The following PSEN1 variants were observed in gnomAD, a reference collection of about 807,000 sequenced individuals.
PSEN1 encodes presenilin-1.
A neutral mutation model predicts 53.5 loss-of-function variants in PSEN1; 15 were observed. The observed-to-expected ratio is 0.28, with a 90% CI of 0.19 to 0.43. The LOEUF is 0.43. Among genes scored for constraint, PSEN1 ranks in the 20% least tolerant of loss-of-function variants. The pLI is 1.00. For missense variants in PSEN1, 387 were observed against 571.2 expected, an observed-to-expected ratio of 0.68 and a Z score of 3.29; for synonymous variants, 208 against 209.8, an observed-to-expected ratio of 0.99 and a Z score of 0.08.
At chr14:73,190,423 G>A (rs1037711404) in intron 6 of PSEN1, among the ~76,000 whole-genome samples, 2 of 151,394 alleles carry the variant, frequency 1.3e-5, no homozygotes, top group African/African-American at 4.9e-5. Flanking sequence ...AAGGACTTTG[G>A]GGCTGCAGTG....
rs535041629 is a variant in PSEN1, at chr14:73,190,759, G to A, written c.549-1885G>A. 1.7e-3 allele frequency among the ~76,000 whole-genome samples: 259 copies of A among 152,186 alleles called. 2 individuals carry two copies. The highest frequency in any genetic ancestry group is 5.7e-3 in the African/African-American group (238 of 41,510). ...CTTTCCTCTAAAGAGGGGAACCATG[G>A]GGCACAGTGGGGAGAAAACCTACTT... On this transcript the variant is annotated intron_variant, in intron 6 of 11. Transcript: ENST00000324501.
rs531161523 is a variant in PSEN1, at chr14:73,191,250, T to C, written c.549-1394T>C. On this transcript the variant is annotated intron_variant, in intron 6 of 11. Coordinates refer to ENST00000324501, the MANE Select transcript of PSEN1 (RefSeq NM_000021.4). ...ATCCTTTCAGGAATTAATATATCAA[T>C]TTCTCATCTACTCTTCTCTCACACT... is the stretch of plus-strand genomic sequence containing the variant. Among the ~76,000 whole-genome samples, 5 of 152,366 alleles carry C rather than the reference T, an allele frequency of 3.3e-5. No individual in the cohort carries two copies. The East Asian group carries it at 9.6e-4, about 29-fold the overall frequency.
chr14:73,138,883 C>G (rs1221012278), intron 1 of PSEN1, among the ~76,000 whole-genome samples: 1 of 151,176 alleles, frequency 6.6e-6, no homozygotes, highest in East Asian at 2.0e-4. Flanking sequence ...AGGAGAATGG[C>G]GTGAACCCGG....
chr14:73,160,657 T>A (rs548786883), intron 3 of PSEN1, among the ~76,000 whole-genome samples: 2 of 152,176 alleles, frequency 1.3e-5, no homozygotes, highest in East Asian at 3.9e-4. Flanking sequence ...TTTTCTTTTT[T>A]CCCCCCATAT....
intron 1 of PSEN1, among the ~76,000 whole-genome samples, chr14:73,140,854 C>T (rs895492543): frequency 2.0e-5 from 3 of 152,176 alleles, no homozygotes; most frequent in African/African-American, 7.2e-5. Context: ...ACATTACAGA[C>T]CTCCCCCAAA....
rs201571330 is a variant in PSEN1 at position 73,173,474 on chromosome 14, TAAGAAA to T, written c.339-84_339-79del. The T allele has an allele frequency of 9.4e-4, 1,259 of 1,343,846 alleles. 3 individuals are homozygous for T. In the East Asian group the frequency reaches 0.015, roughly 16 times the overall value. The allele number at this position is 1,343,846 out of a possible 1,614,324, so 83.2% of individuals were successfully genotyped here. On this transcript the variant is annotated intron_variant, in intron 4 of 11. Transcript: ENST00000324501. ...GTGACTTATAAGATACGAATTGAAT[TAAGAAA>T]AAGAAAATTCTGTGTTGGAGGTGGT... is the stretch of plus-strand genomic sequence containing the variant.
intron 1 of PSEN1, 36 bp downstream of exon 1, chr14:73,136,619 A>G (rs1016938112): frequency 7.2e-5 from 11 of 152,344 alleles, no homozygotes; most frequent in African/African-American, 2.4e-4. Flanking sequence ...CCAGGAAGGC[A>G]CCGCGGACAT....
chr14:73,213,583 T>G (rs1899790265), intron 10 of PSEN1, among the ~76,000 whole-genome samples: 1 of 152,198 alleles, frequency 6.6e-6, no homozygotes, highest in African/African-American at 2.4e-5. Context: ...TTGTGGGTAC[T>G]TACCAAAAGG....
At chr14:73,171,923 T>G (rs1427441073) in intron 4 of PSEN1, among the ~76,000 whole-genome samples, 4 of 152,248 alleles carry the variant, frequency 2.6e-5, no homozygotes, top group African/African-American at 9.6e-5. Flanking sequence ...TCCTTCTTGG[T>G]ATCTTTTCTC....
Position 73,206,410 on chromosome 14 carries a change from T to C in PSEN1, c.893T>C (p.Met298Thr), listed in dbSNP as rs1566650613. 2 of 1,614,012 alleles carry C rather than the reference T, an allele frequency of 1.2e-6. No homozygotes were observed. Among genetic ancestry groups the C allele is most frequent in the Admixed American group, 1.7e-5 (1 of 60,000 alleles). ...YSSTMVWLVNMAEGDPEAQRR... is the reference protein window; with the variant it reads ...YSSTMVWLVNTAEGDPEAQRR... Reference sequence around the variant, plus strand: ...GCAACAATGGTGTGGTTGGTGAATATGGCAGAAGGAGACCCGGAAGCTCAA... The same window carrying C: ...GCAACAATGGTGTGGTTGGTGAATACGGCAGAAGGAGACCCGGAAGCTCAA... Residue 298 changes from methionine to threonine, a missense_variant, in exon 9 of 12, where the codon ATG becomes ACG. Physicochemically the swap from Met to Thr is moderately conservative, Grantham distance 81. Around this residue, in one of 4 missense-constraint regions of PSEN1, gnomAD observed 169 missense variants for 299.7 expected, o/e 0.56. Coordinates refer to ENST00000324501, the MANE Select transcript of PSEN1 (RefSeq NM_000021.4).
intron 7 of PSEN1, chr14:73,197,812 A>AT (rs1899015368): frequency 1.8e-6 from 1 of 550,888 alleles, no homozygotes; most frequent in Non-Finnish European, 3.2e-6. Context: ...CCCAAATGAA[A>AT]TTTTTACAGA....
Position 73,168,719 on chromosome 14 carries a change from A to G in PSEN1, c.88-2078A>G, listed in dbSNP as rs566845589. Reference sequence around the variant, plus strand: ...AATCTTCTGCATATACTACCCTTCAATCTGTTCATGTGATCTGATTATTCC... The same window carrying G: ...AATCTTCTGCATATACTACCCTTCAGTCTGTTCATGTGATCTGATTATTCC... On this transcript the variant is annotated intron_variant, in intron 3 of 11. Coordinates refer to ENST00000324501, the MANE Select transcript of PSEN1 (RefSeq NM_000021.4). 240 of 152,292 alleles carry G rather than the reference A, an allele frequency of 1.6e-3. 3 individuals are homozygous for G. The highest frequency in any genetic ancestry group is 1.5e-3 in the East Asian group (8 of 5,178). The allele number at this position is 152,292 out of a possible 1,614,324, so 9.4% of individuals were successfully genotyped here.
Position 73,212,775 on chromosome 14 carries a change from T to A in PSEN1, c.1129+833T>A, listed in dbSNP as rs362379. On this transcript the variant is annotated intron_variant, in intron 10 of 11. Coordinates refer to ENST00000324501, the MANE Select transcript of PSEN1 (RefSeq NM_000021.4). ...AACATTATCAGCCACTAAAGCCCTT[T>A]GGTTAGGGCTCAGTCATCTCTTCAG... Among the ~76,000 whole-genome samples the A allele has an allele frequency of 5.8e-3, 891 of 152,362 alleles. 8 individuals are homozygous for A. Among genetic ancestry groups the A allele is most frequent in the African/African-American group, 0.021 (855 of 41,588 alleles).
Position 73,148,994 on chromosome 14 carries a change from A to G in PSEN1, c.87+888A>G, listed in dbSNP as rs559538102. 2.6e-5 allele frequency among the ~76,000 whole-genome samples: 4 copies of G among 152,258 alleles called. No homozygotes were observed. In the South Asian group the frequency reaches 8.3e-4, roughly 32 times the overall value. On this transcript the variant is annotated intron_variant, in intron 3 of 11. Transcript: ENST00000324501. ...AGAAAGAAAAGAAAAGAGAGAGAGC[A>G]TGGATGTCCTGTGAGACAGTTGGAG... is the stretch of plus-strand genomic sequence containing the variant.
chr14:73,185,383 C>T (rs897961498), intron 5 of PSEN1, among the ~76,000 whole-genome samples: 22 of 152,250 alleles, frequency 1.4e-4, no homozygotes, highest in African/African-American at 5.1e-4. Flanking sequence ...GCTGGTGGAT[C>T]ACTTGCGGTT....
intron 3 of PSEN1, among the ~76,000 whole-genome samples, chr14:73,159,524 G>A (rs1225118385): frequency 6.6e-6 from 1 of 152,108 alleles, no homozygotes; most frequent in African/African-American, 2.4e-5. Context: ...CCAAGGTATG[G>A]ATCAAAGTTC....
intron 3 of PSEN1, among the ~76,000 whole-genome samples, chr14:73,159,558 A>G (rs1897466532): frequency 6.6e-6 from 1 of 152,148 alleles, no homozygotes; most frequent in African/African-American, 2.4e-5. Context: ...TGGATATTCA[A>G]TTGTTTCAGC....
At chr14:73,191,659 G>A (rs999980789) in intron 6 of PSEN1, among the ~76,000 whole-genome samples, 3 of 151,736 alleles carry the variant, frequency 2.0e-5, no homozygotes, top group African/African-American at 7.3e-5. Context: ...CTATCTTCCT[G>A]CCCCAGCCTC....
intron 10 of PSEN1, among the ~76,000 whole-genome samples, chr14:73,212,273 G>A (rs1899735271): frequency 1.3e-5 from 2 of 151,700 alleles, no homozygotes; most frequent in African/African-American, 4.8e-5. Flanking sequence ...ACCACGCCTG[G>A]ATAATTTTTG....
Sources: allele counts gnomAD v4.1 joint callset (sites outside exome capture counted in the v4.1 genomes callset), GRCh38; gene constraint gnomAD v4.1.1; regional missense constraint gnomAD v4.1.1; transcripts MANE v1.5; gene names NCBI Gene and HGNC (gene_info 2026-07-23, HGNC 2026-07-21).